The following STK3 variants were observed in gnomAD, a reference collection of about 807,000 sequenced individuals.
STK3 encodes serine/threonine kinase 3, also known as serine/threonine-protein kinase 3.
Under a neutral mutation model 58.0 loss-of-function variants are expected in STK3, and 41 were observed. The observed-to-expected ratio is 0.71, with a 90% CI of 0.55 to 0.92. The LOEUF (loss-of-function observed/expected upper bound fraction) is 0.92, where lower values mean the gene tolerates loss of function less well. Among genes scored for constraint, STK3 ranks in the 40% least tolerant of loss-of-function variants. The probability of loss-of-function intolerance (pLI) is 0.00; values close to 1 mark genes in which losing one functional copy is unlikely to be tolerated. For synonymous variants in STK3, 170 were observed against 191.0 expected, an observed-to-expected ratio of 0.89 and a Z score of 0.91; for missense variants, 479 against 602.7, an observed-to-expected ratio of 0.79 and a Z score of 2.15.
At chr8:98,806,785 GA>G (rs1392644089) in intron 1 of STK3, among the ~76,000 whole-genome samples, 1 of 151,960 alleles carries the variant, frequency 6.6e-6, no homozygotes, top group African/African-American at 2.4e-5. Context: ...CCAAGCAGAG[GA>G]AAGAATCACA....
intron 6 of STK3, among the ~76,000 whole-genome samples, chr8:98,678,731 G>A (rs966301146): frequency 4.6e-5 from 7 of 152,136 alleles, no homozygotes; most frequent in African/African-American, 1.7e-4. Flanking sequence ...GGGCACAGTA[G>A]ATACACAAAG....
chr8:98,485,207 C>G (rs1251868368), intron 10 of STK3, among the ~76,000 whole-genome samples: 1 of 151,704 alleles, frequency 6.6e-6, no homozygotes, highest in African/African-American at 2.4e-5. Flanking sequence ...TGCCATTGCA[C>G]TCCAGCCTGG....
chr8:98,893,626 G>T (rs1047773278), intron 1 of STK3, among the ~76,000 whole-genome samples: 2 of 151,300 alleles, frequency 1.3e-5, no homozygotes, highest in Non-Finnish European at 3.0e-5. Context: ...GAAGGAAAAA[G>T]AACTTAAAAA....
At chr8:98,624,093 G>C (rs1380382870) in intron 6 of STK3, among the ~76,000 whole-genome samples, 2 of 152,190 alleles carry the variant, frequency 1.3e-5, no homozygotes, top group Admixed American at 6.5e-5. Context: ...ATGGGGTAAA[G>C]AAATTTTGCA....
intron 9 of STK3, among the ~76,000 whole-genome samples, chr8:98,543,711 A>G (rs945980816): frequency 2.0e-5 from 3 of 152,142 alleles, no homozygotes; most frequent in Admixed American, 6.5e-5. Context: ...GGAAGAAGAG[A>G]TCTAGTGAAG....
chr8:98,739,132 C>G lies in STK3; in HGVS notation c.351+10144G>C, dbSNP rs955858928. On this transcript the variant is annotated intron_variant, in intron 4 of 10. Transcript: ENST00000419617. The stretch of plus-strand genomic sequence containing the variant: ...GCCCACCACAGCTCAAGGAGGCCTG[C>G]CTGCCTCTGTAGGCTCCACCTCTGG... Among the ~76,000 whole-genome samples, 14 of 152,382 alleles carry G rather than the reference C, an allele frequency of 9.2e-5. No homozygotes were observed. The East Asian group carries it at 9.6e-4, about 10-fold the overall frequency.
At chr8:98,524,075 A>G (rs781619208) in intron 10 of STK3, among the ~76,000 whole-genome samples, 3 of 152,180 alleles carry the variant, frequency 2.0e-5, no homozygotes, top group Non-Finnish European at 4.4e-5. Flanking sequence ...GCATGTGGAT[A>G]TCCAGTTTTC....
chr8:98,551,272 T>C (rs1208386409), intron 8 of STK3, among the ~76,000 whole-genome samples: 1 of 152,206 alleles, frequency 6.6e-6, no homozygotes, highest in Non-Finnish European at 1.5e-5. Context: ...TAGACACTTC[T>C]GTATTCAATT....
chr8:98,649,488 T>C (rs540782250), intron 6 of STK3, among the ~76,000 whole-genome samples: 16 of 152,306 alleles, frequency 1.1e-4, no homozygotes, highest in Non-Finnish European at 2.1e-4. Context: ...TAGAATTTAT[T>C]TAGGTATTGT....
intron 3 of STK3, among the ~76,000 whole-genome samples, chr8:98,847,408 C>A (rs1413543022): frequency 6.6e-6 from 1 of 152,162 alleles, no homozygotes; most frequent in East Asian, 1.9e-4. Flanking sequence ...GTAACCAAAG[C>A]CAAAGATCTG....
chr8:98,691,580 T>C (rs549456530), intron 6 of STK3, among the ~76,000 whole-genome samples: 72 of 151,990 alleles, frequency 4.7e-4, no homozygotes, highest in Admixed American at 1.0e-3. Context: ...TTCACCAGCA[T>C]AGAAACAACA....
rs1416098563 is a variant in STK3 at position 98,699,196 on chromosome 8, T to C, written c.684+7271A>G. On this transcript the variant is annotated intron_variant, in intron 6 of 10. Coordinates refer to ENST00000419617, the MANE Select transcript of STK3 (RefSeq NM_006281.4). Reference sequence around the variant, plus strand: ...GCATTCTTCACGTAGTTCTCGAGCCTTGGCTTTCAGCTCCATCAGCTCCTT... The same window carrying C: ...GCATTCTTCACGTAGTTCTCGAGCCCTGGCTTTCAGCTCCATCAGCTCCTT... Among the ~76,000 whole-genome samples the C allele has an allele frequency of 4.8e-4, 73 of 152,176 alleles. 1 individual carries two copies. Among genetic ancestry groups the C allele is most frequent in the African/African-American group, 1.8e-3 (73 of 41,570 alleles).
chr8:98,407,714 ATGTGTGTGTGTGTGTGTG>A (rs6150725), intron 3 of STK3, among the ~76,000 whole-genome samples: 9 of 137,108 alleles, frequency 6.6e-5, no homozygotes, highest in South Asian at 5.1e-4. Flanking sequence ...AGATGAGTGC[ATGTGTGTGTGTGTGTGTG>A]TGTGTGTGTG....
chr8:98,394,137 G>C (rs1024636527), intron 3 of STK3, among the ~76,000 whole-genome samples: 8 of 152,154 alleles, frequency 5.3e-5, no homozygotes, highest in African/African-American at 1.9e-4. Context: ...AGTAGTGGGA[G>C]GAGCCAAAGC....
chr8:98,743,183 C>T (rs530473178), intron 4 of STK3, among the ~76,000 whole-genome samples: 3 of 151,928 alleles, frequency 2.0e-5, no homozygotes, highest in Non-Finnish European at 2.9e-5. Context: ...TCAATGCCAT[C>T]CCCATCAAGC....
intron 6 of STK3, among the ~76,000 whole-genome samples, chr8:98,682,264 T>C (rs1024932806): frequency 1.3e-5 from 2 of 152,214 alleles, no homozygotes; most frequent in Non-Finnish European, 2.9e-5. Context: ...AAACCATGGA[T>C]ATCAAATGAA....
chr8:98,460,727 T>C (rs1257762657), intron 10 of STK3, among the ~76,000 whole-genome samples: 2 of 152,134 alleles, frequency 1.3e-5, no homozygotes. Flanking sequence ...CAAGATCTGA[T>C]GGGTTTATGA....
At chr8:98,907,390 G>A (rs1838955996) in intron 1 of STK3, among the ~76,000 whole-genome samples, 1 of 151,920 alleles carries the variant, frequency 6.6e-6, no homozygotes, top group African/African-American at 2.4e-5. Context: ...GGCACCACCT[G>A]TAGTCCCAGC....
rs567488668 is a variant in STK3, at chr8:98,938,895, G to A, written c.-79+3483C>T. ...GGCAGGCAAGTGTTACAAATAGTTA[G>A]AAACTGTAAAATGAGGTGCGACATT... is the stretch of plus-strand genomic sequence containing the variant. On this transcript the variant is annotated intron_variant, in intron 1 of 1. Transcript: ENST00000519420. Among the ~76,000 whole-genome samples, 3 of 152,190 alleles carry A rather than the reference G, an allele frequency of 2.0e-5. No homozygotes were observed. The South Asian group carries it at 6.2e-4, about 32-fold the overall frequency.
Sources: allele counts gnomAD v4.1 joint callset (sites outside exome capture counted in the v4.1 genomes callset), GRCh38; gene constraint gnomAD v4.1.1; transcripts MANE v1.5; gene names NCBI Gene and HGNC (gene_info 2026-07-23, HGNC 2026-07-21).